Variants in CCDC180 observed in about 807,000 individuals in gnomAD.
CCDC180 encodes the protein coiled-coil domain containing 180, also known as coiled-coil domain-containing protein 180.
In CCDC180, 154 loss-of-function variants were observed where a neutral mutation model predicts 209.2. The ratio of observed to expected loss-of-function variants is 0.74; its 90% confidence interval spans 0.65 to 0.84. The LOEUF is 0.84. Among genes scored for constraint, CCDC180 ranks in the 40% least tolerant of loss-of-function variants. CCDC180 has a pLI of 0.00. For missense variants in CCDC180, 1,874 were observed against 1,997.3 expected (o/e 0.94, Z 1.18); for synonymous variants, 778 against 749.1 (o/e 1.04, Z -0.63).
chr9:97,332,148 C>A (rs1825774334), intron 18 of CCDC180, among the ~76,000 whole-genome samples: 1 of 152,146 alleles, frequency 6.6e-6, no homozygotes, highest in Non-Finnish European at 1.5e-5. Flanking sequence ...AATGGGTAGT[C>A]ATTTCCTCAC....
intron 34 of CCDC180, chr9:97,372,580 G>T (rs1471933256): frequency 6.6e-6 from 1 of 152,230 alleles, no homozygotes; most frequent in Non-Finnish European, 1.5e-5. Flanking sequence ...AATTCAATGG[G>T]CCAGGCACAG....
intron 3 of CCDC180, among the ~76,000 whole-genome samples, chr9:97,310,545 G>C (rs1424461687): frequency 6.6e-6 from 1 of 152,112 alleles, no homozygotes; most frequent in Non-Finnish European, 1.5e-5. Context: ...ATCTTCCCAG[G>C]GTTCTTGAGA....
intron 22 of CCDC180, among the ~76,000 whole-genome samples, chr9:97,354,207 A>T (rs1045897069): frequency 6.6e-6 from 1 of 152,108 alleles, no homozygotes; most frequent in Non-Finnish European, 1.5e-5. Context: ...TGCCCAGGCT[A>T]ATCTTGAACT....
rs1246388988 is a variant in CCDC180, at chr9:97,347,518, C to G, written c.2674+29C>G. ...CAGATGCTGCCTGGGAATGTCTGCC[C>G]TGCCCGCAGCCACTCCTTCAGCGTC... On this transcript the variant is annotated intron_variant, in intron 20 of 36. Coordinates refer to ENST00000529487, the MANE Select transcript of CCDC180 (RefSeq NM_020893.6). 3.9e-6 allele frequency: 6 copies of G among 1,528,258 alleles called. No homozygotes were observed. In the African/African-American group the frequency reaches 8.2e-5, roughly 21 times the overall value. The allele number at this position is 1,528,258 out of a possible 1,614,324, so 94.7% of individuals were successfully genotyped here.
At chr9:97,320,651 T>G (rs1159024541) in intron 11 of CCDC180, among the ~76,000 whole-genome samples, 1 of 152,184 alleles carries the variant, frequency 6.6e-6, no homozygotes, top group Non-Finnish European at 1.5e-5. Flanking sequence ...TCCCTACTTG[T>G]GGGGTGGATG....
Position 97,325,159 on chromosome 9 carries a change from G to C in CCDC180, c.1512G>C (p.Glu504Asp). The C allele has an allele frequency of 6.2e-7, 1 of 1,606,520 alleles. No individual in the cohort carries two copies. Among genetic ancestry groups the C allele is most frequent in the Non-Finnish European group, 8.5e-7 (1 of 1,176,438 alleles). ...AGCTGGAGCTGGAGAAGAGGATGGA[G>C]CAGCACCGGCAGAAGCACAGCCTGG... ...VQELELEKRMEQHRQKHSLES... is the reference protein window; with the variant it reads ...VQELELEKRMDQHRQKHSLES... The change falls in exon 14 of 37, where the codon GAG becomes GAC. Residue 504 changes from glutamate to aspartate, a missense_variant. By Grantham distance (45) the Glu-to-Asp change is conservative (BLOSUM62 2). Coordinates refer to ENST00000529487, the MANE Select transcript of CCDC180 (RefSeq NM_020893.6).
Position 97,357,691 on chromosome 9 carries a change from T to C in CCDC180, c.3329T>C (p.Ile1110Thr), listed in dbSNP as rs765345986. 32 of 1,613,326 alleles carry C rather than the reference T, an allele frequency of 2.0e-5. No individual in the cohort carries two copies. Among genetic ancestry groups the C allele is most frequent in the East Asian group, 4.5e-5 (2 of 44,870 alleles). Residue 1110 changes from isoleucine to threonine, a missense_variant, in exon 25 of 37, where the codon ATA becomes ACA. Ile to Thr is a moderately conservative substitution (Grantham distance 89). Transcript: ENST00000529487. ...TCTCTGCAACAGCTTCAGAACAAGA[T>C]AAAAACTTGTCAAGAGTCCAGGGGA... Reference protein sequence around the residue: ...NFSLQQLQNKIKTCQESRGEK... With the variant: ...NFSLQQLQNKTKTCQESRGEK...
intron 18 of CCDC180, among the ~76,000 whole-genome samples, chr9:97,335,536 C>T (rs1040824018): frequency 6.6e-6 from 1 of 152,190 alleles, no homozygotes; most frequent in Non-Finnish European, 1.5e-5. Context: ...GCATAATATT[C>T]CATGGTGTAC....
At chr9:97,320,400 A>C (rs1237142928) in intron 11 of CCDC180, among the ~76,000 whole-genome samples, 195 bp downstream of exon 11, 1 of 152,092 alleles carries the variant, frequency 6.6e-6, no homozygotes, top group Non-Finnish European at 1.5e-5. Flanking sequence ...CCCAGCCTGC[A>C]GCTACACTAG....
At chr9:97,308,198 C>T in intron 2 of CCDC180, 66 bp downstream of exon 2, 3 of 1,430,464 alleles carry the variant, frequency 2.1e-6, no homozygotes. Flanking sequence ...AAACTTCCCT[C>T]CCTCCCAGGG....
chr9:97,355,926 G>A (rs1826568699), intron 24 of CCDC180, among the ~76,000 whole-genome samples: 1 of 152,136 alleles, frequency 6.6e-6, no homozygotes, highest in South Asian at 2.1e-4. Flanking sequence ...AGAGTGGGGA[G>A]CTCTGTGGTT....
chr9:97,307,689 G>A lies in CCDC180; in HGVS notation c.-199G>A. ...CCGTTAACTTTTCCCCGAAGAGCATGGCAGAGTGAAGCACAAGCAATAATC... is the reference window on the plus strand; with the variant it reads ...CCGTTAACTTTTCCCCGAAGAGCATAGCAGAGTGAAGCACAAGCAATAATC... On this transcript the variant is annotated 5_prime_UTR_variant, in exon 1 of 37. The change abolishes an upstream ATG in the 5' untranslated region. Coordinates refer to ENST00000529487, the MANE Select transcript of CCDC180 (RefSeq NM_020893.6). 6 of 1,576,280 alleles carry A rather than the reference G, an allele frequency of 3.8e-6. No homozygotes were observed. The highest frequency in any genetic ancestry group is 5.2e-6 in the Non-Finnish European group (6 of 1,146,752).
Position 97,314,256 on chromosome 9 carries a change from C to A in CCDC180, c.460-137C>A, listed in dbSNP as rs970716826. 1.5e-5 allele frequency: 15 copies of A among 983,098 alleles called. No homozygotes were observed. In the African/African-American group the frequency reaches 2.3e-4, roughly 15 times the overall value. The allele number at this position is 983,098 out of a possible 1,614,324, so 60.9% of individuals were successfully genotyped here. On this transcript the variant is annotated intron_variant, in intron 5 of 36. Transcript: ENST00000529487. ...GCGTGGTTGTGAGCTGAGTAGTGAG[C>A]CTCAACTCGTTAGGTCTAGGCAATG... is the stretch of plus-strand genomic sequence containing the variant.
Position 97,325,120 on chromosome 9 carries a change from G to A in CCDC180, c.1473G>A (p.Glu491=), listed in dbSNP as rs1460350007. The A allele has an allele frequency of 6.2e-7, 1 of 1,613,320 alleles. No homozygotes were observed. The highest frequency in any genetic ancestry group is 2.2e-5 in the East Asian group (1 of 44,880). Residue 491 remains glutamate, a synonymous_variant, in exon 14 of 37, where the codon GAG becomes GAA. Coordinates refer to ENST00000529487, the MANE Select transcript of CCDC180 (RefSeq NM_020893.6). ...VVQLWEAHQS[E]LLVQELELEK... Reference sequence around the variant, plus strand: ...AACTGTGGGAGGCACACCAGAGCGAGCTGTTGGTGCAGGAGCTGGAGCTGG... The same window carrying A: ...AACTGTGGGAGGCACACCAGAGCGAACTGTTGGTGCAGGAGCTGGAGCTGG...
At chr9:97,363,478 C>A (rs1826825852) in intron 28 of CCDC180, 2 of 399,962 alleles carry the variant, frequency 5.0e-6, no homozygotes, top group South Asian at 2.1e-5. Flanking sequence ...CCAGCCATGA[C>A]CTGTTTACAT....
At chr9:97,368,103 T>G (rs1261747558) in intron 31 of CCDC180, among the ~76,000 whole-genome samples, 1 of 152,220 alleles carries the variant, frequency 6.6e-6, no homozygotes, top group Admixed American at 6.5e-5. Flanking sequence ...GACTTCTGTT[T>G]CCTGCAGCTT....
rs1251030310 is a variant in CCDC180, at chr9:97,318,344, G to A, written c.960-119G>A. ...AAGTCTGGGGAGGAAGGGGCTGGGG[G>A]TGGTGTTAGGGAAGGAGTGCTGAGG... On this transcript the variant is annotated intron_variant, in intron 9 of 36. Coordinates refer to ENST00000529487, the MANE Select transcript of CCDC180 (RefSeq NM_020893.6). 5 of 1,234,712 alleles carry A rather than the reference G, an allele frequency of 4.0e-6. No individual in the cohort carries two copies. In the African/African-American group the frequency reaches 4.5e-5, roughly 11 times the overall value. 76.5% of individuals were successfully genotyped at this position (1,234,712 alleles called of 1,614,324 possible). A position where few individuals can be genotyped will look rare whatever the true frequency, so the allele number is the denominator to read the frequency against.
Position 97,330,530 on chromosome 9 carries a change from T to A in CCDC180, c.2037T>A (p.His679Gln), listed in dbSNP as rs781695525. 17 of 1,613,970 alleles carry A rather than the reference T, an allele frequency of 1.1e-5. No individual in the cohort carries two copies. The highest frequency in any genetic ancestry group is 1.4e-5 in the Non-Finnish European group (16 of 1,180,030). ...GGCAGCAGAAAAAATCTCCACTGCA[T>A]GCTAAGATGGATGAGTCCAAAGAAG... ...VLGQQKKSPL[H>Q]AKMDESKEGS... Residue 679 changes from histidine (H) to glutamine (Q), a missense_variant, in exon 18 of 37, where the codon CAT becomes CAA. Coordinates refer to ENST00000529487, the MANE Select transcript of CCDC180 (RefSeq NM_020893.6).
At chr9:97,318,714 G>A in intron 10 of CCDC180, 132 bp downstream of exon 10, 3 of 1,252,218 alleles carry the variant, frequency 2.4e-6, no homozygotes, top group Non-Finnish European at 3.3e-6. Flanking sequence ...CTGGCCCTGG[G>A]CTGGCCACCT....
Sources: allele counts gnomAD v4.1 joint callset (sites outside exome capture counted in the v4.1 genomes callset), GRCh38; gene constraint gnomAD v4.1.1; transcripts MANE v1.5; gene names NCBI Gene and HGNC (gene_info 2026-07-23, HGNC 2026-07-21).